The following ARL6 variants were observed in gnomAD, a reference collection of about 807,000 sequenced individuals.
ARL6 encodes the protein ARF like GTPase 6.
In ARL6, 18 loss-of-function variants were observed where a neutral mutation model predicts 27.1. The observed-to-expected ratio is 0.66, with a 90% confidence interval of 0.46 to 0.98. The LOEUF is 0.98. Ranked by LOEUF, ARL6 falls within the 50% of genes least tolerant of loss-of-function variation. The pLI is 0.00. For missense variants in ARL6, 187 were observed against 214.9 expected, an observed-to-expected ratio of 0.87 and a Z score of 0.81; for synonymous variants, 65 against 72.3, an observed-to-expected ratio of 0.90 and a Z score of 0.51.
rs575539989 is a variant in ARL6 at position 97,788,866 on chromosome 3, C to T, written c.479+747C>T. On this transcript the variant is annotated intron_variant, in intron 6 of 7. Coordinates refer to ENST00000463745, the MANE Select transcript of ARL6 (RefSeq NM_001278293.3). The stretch of plus-strand genomic sequence containing the variant: ...TATACATTAGATAGTATTTTAGTGC[C>T]TACGACTACCATCTTAAACTCCCTT... Among the ~76,000 whole-genome samples, 10 of 152,190 alleles carry T rather than the reference C, an allele frequency of 6.6e-5. No homozygotes were observed. The South Asian group carries it at 1.9e-3, about 28-fold the overall frequency.
intron 7 of ARL6, among the ~76,000 whole-genome samples, chr3:97,794,789 A>T (rs1257355111): frequency 6.6e-6 from 1 of 152,180 alleles, no homozygotes; most frequent in Non-Finnish European, 1.5e-5. Flanking sequence ...ATTATTATTT[A>T]AAATTTAAGA....
At chr3:97,785,094 T>G in intron 5 of ARL6, 45 bp downstream of exon 5, 1 of 1,471,094 alleles carries the variant, frequency 6.8e-7, no homozygotes, top group Non-Finnish European at 9.5e-7. Flanking sequence ...TGGGGTTCAT[T>G]TATGTGTAAT....
At chr3:97,783,305 T>A (rs2037289530) in intron 4 of ARL6, among the ~76,000 whole-genome samples, 1 of 151,824 alleles carries the variant, frequency 6.6e-6, no homozygotes, top group Non-Finnish European at 1.5e-5. Flanking sequence ...TTATGTACCA[T>A]GTATAATTTT....
intron 6 of ARL6, 34 bp downstream of exon 6, chr3:97,788,153 T>C: frequency 6.2e-7 from 1 of 1,602,988 alleles, no homozygotes. Flanking sequence ...ACTGTAGCTT[T>C]CTGAAAAATA....
At chr3:97,783,134 T>G (rs955224874) in intron 4 of ARL6, among the ~76,000 whole-genome samples, 2 of 151,512 alleles carry the variant, frequency 1.3e-5, no homozygotes, top group Admixed American at 1.3e-4. Flanking sequence ...GAGTACACAT[T>G]TTTTAAATTT....
intron 2 of ARL6, among the ~76,000 whole-genome samples, chr3:97,768,679 C>T (rs2036500648): frequency 6.6e-6 from 1 of 151,958 alleles, no homozygotes; most frequent in Non-Finnish European, 1.5e-5. Flanking sequence ...ATAAAGCTAG[C>T]ACATTTAACA....
intron 6 of ARL6, among the ~76,000 whole-genome samples, chr3:97,790,898 T>G (rs971881748): frequency 6.6e-6 from 1 of 152,104 alleles, no homozygotes; most frequent in Non-Finnish European, 1.5e-5. Context: ...ATTCAGAAAC[T>G]CTAATCATAT....
In ARL6 at chr3:97,798,391, T is replaced by C. The variant is rs912325528; in HGVS notation, c.*342T>C. Reference sequence around the variant, plus strand: ...ATATATTTTATTTTTTAATTGTCTTTTTAAAAAATTTAGTTTATGACTTTG... The same window carrying C: ...ATATATTTTATTTTTTAATTGTCTTCTTAAAAAATTTAGTTTATGACTTTG... On this transcript the variant is annotated 3_prime_UTR_variant, in exon 8 of 8. Transcript: ENST00000463745. 1.4e-4 allele frequency: 23 copies of C among 166,762 alleles called. No individual in the cohort carries two copies. The highest frequency in any genetic ancestry group is 5.5e-4 in the African/African-American group (23 of 41,800). The allele number at this position is 166,762 out of a possible 1,614,324, so 10.3% of individuals were successfully genotyped here. A position where few individuals can be genotyped will look rare whatever the true frequency, so the allele number is the denominator to read the frequency against.
chr3:97,784,990 G>A lies in ARL6; in HGVS notation c.290G>A (p.Ser97Asn), dbSNP rs1448646936. The A allele has an allele frequency of 6.2e-7, 1 of 1,612,748 alleles. No individual in the cohort carries two copies. Among genetic ancestry groups the A allele is most frequent in the Non-Finnish European group, 8.5e-7 (1 of 1,179,226 alleles). ...GCTATTATTTTTGTCATTGATAGTAGTGATAGATTAAGAATGGTTGTGGCC... is the reference window on the plus strand; with the variant it reads ...GCTATTATTTTTGTCATTGATAGTAATGATAGATTAAGAATGGTTGTGGCC... ...GQAIIFVIDS[S>N]DRLRMVVAKE... Residue 97 changes from serine to asparagine, a missense_variant, in exon 5 of 8, where the codon AGT (serine) becomes AAT (asparagine). Coordinates refer to ENST00000463745, the MANE Select transcript of ARL6 (RefSeq NM_001278293.3).
intron 6 of ARL6, among the ~76,000 whole-genome samples, chr3:97,788,320 G>T (rs2037560296): frequency 6.6e-6 from 1 of 152,042 alleles, no homozygotes; most frequent in South Asian, 2.1e-4. Context: ...TTTTTGGGGG[G>T]ATAGGAAAAT....
At chr3:97,771,911 A>G (rs1405071133) in intron 2 of ARL6, among the ~76,000 whole-genome samples, 1 of 152,066 alleles carries the variant, frequency 6.6e-6, no homozygotes, top group African/African-American at 2.4e-5. Context: ...GAACTTTTTA[A>G]TAGGTTGTTA....
At chr3:97,776,894 G>A (rs1479791629) in intron 2 of ARL6, among the ~76,000 whole-genome samples, 2 of 152,134 alleles carry the variant, frequency 1.3e-5, no homozygotes, top group Non-Finnish European at 2.9e-5. Flanking sequence ...CATAACTTGA[G>A]GTGACCTACC....
chr3:97,797,994 T>A, intron 7 of ARL6, 30 bp from the exon 8 acceptor site: 4 of 1,608,512 alleles, frequency 2.5e-6, no homozygotes, highest in Non-Finnish European at 3.4e-6. Context: ...CTATAGAGAT[T>A]GATAATTTTT....
chr3:97,798,226 T>A lies in ARL6; in HGVS notation c.*177T>A. The A allele has an allele frequency of 1.6e-6, 1 of 632,400 alleles. No individual in the cohort carries two copies. Among genetic ancestry groups the A allele is most frequent in the Non-Finnish European group, 2.8e-6 (1 of 360,996 alleles). 39.2% of individuals were successfully genotyped at this position (632,400 alleles called of 1,614,324 possible). A position where few individuals can be genotyped will look rare whatever the true frequency, so the allele number is the denominator to read the frequency against. Reference sequence around the variant, plus strand: ...CAGGTATGCTAATTTGGCCATTAATTATTTAAAAACTAAATATTCCCTCAA... The same window carrying A: ...CAGGTATGCTAATTTGGCCATTAATAATTTAAAAACTAAATATTCCCTCAA... On this transcript the variant is annotated 3_prime_UTR_variant, in exon 8 of 8. Transcript: ENST00000463745.
chr3:97,786,168 T>C (rs1423666610), intron 5 of ARL6, among the ~76,000 whole-genome samples: 1 of 151,952 alleles, frequency 6.6e-6, no homozygotes, highest in Admixed American at 6.6e-5. Flanking sequence ...CTGGCCAACA[T>C]GGTGAAACCC....
chr3:97,765,582 T>C (rs1213083225), intron 1 of ARL6, among the ~76,000 whole-genome samples: 1 of 152,180 alleles, frequency 6.6e-6, no homozygotes, highest in Non-Finnish European at 1.5e-5. Context: ...TGGAGCCAGA[T>C]TGTGGACAAC....
chr3:97,779,759 G>A (rs901862706), intron 2 of ARL6, among the ~76,000 whole-genome samples: 15 of 151,884 alleles, frequency 9.9e-5, no homozygotes, highest in African/African-American at 2.9e-4. Context: ...CCAGCTACTC[G>A]GGAGGCTGAG....
At chr3:97,794,946 G>C (rs2037928828) in intron 7 of ARL6, among the ~76,000 whole-genome samples, 1 of 152,082 alleles carries the variant, frequency 6.6e-6, no homozygotes, top group African/African-American at 2.4e-5. Context: ...AAATTAGCCA[G>C]GCGTGGTGGT....
chr3:97,786,749 AAAAATC>A (rs1489722450), intron 5 of ARL6, among the ~76,000 whole-genome samples: 1 of 152,220 alleles, frequency 6.6e-6, no homozygotes, highest in Non-Finnish European at 1.5e-5. Context: ...TTGTGTTTCT[AAAAATC>A]AGTAAGAATA....
Sources: gnomAD v4.1 joint callset for allele counts (sites outside exome capture counted in the v4.1 genomes callset) on GRCh38, gnomAD v4.1.1 for gene constraint, MANE v1.5 for transcripts, NCBI Gene and HGNC (gene_info 2026-07-23, HGNC 2026-07-21) for gene names.